SC5D: variants seen among roughly 807,000 people sequenced by gnomAD.
SC5D encodes the protein sterol-C5-desaturase.
Under a neutral mutation model 23.9 loss-of-function variants are expected in SC5D, and 21 were observed. The ratio of observed to expected loss-of-function variants is 0.88; its 90% CI spans 0.62 to 1.26. The LOEUF is 1.26. Among genes scored for constraint, SC5D ranks in the 50% most tolerant of loss-of-function variants. The probability of loss-of-function intolerance (pLI) is 0.00; values close to 1 mark genes in which losing one functional copy is unlikely to be tolerated. For missense variants in SC5D, 309 were observed against 364.8 expected, an observed-to-expected ratio of 0.85 and a Z score of 1.25; for synonymous variants, 113 against 125.9, an observed-to-expected ratio of 0.90 and a Z score of 0.68.
intron 1 of SC5D, among the ~76,000 whole-genome samples, chr11:121,298,719 G>T (rs1285130343): frequency 6.6e-6 from 1 of 152,138 alleles, no homozygotes; most frequent in African/African-American, 2.4e-5. Flanking sequence ...TAATTGTCAC[G>T]CACGTCCATG....
chr11:121,298,914 C>T (rs1245552499), intron 1 of SC5D, among the ~76,000 whole-genome samples: 1 of 152,136 alleles, frequency 6.6e-6, no homozygotes, highest in Non-Finnish European at 1.5e-5. Context: ...TCACAAGGTG[C>T]TCAGTAGGGG....
At position 121,295,513 on chromosome 11, in the gene SC5D, A is replaced by G. The variant is rs189820334; in HGVS notation, c.-11+2697A>G. 3.9e-3 allele frequency among the ~76,000 whole-genome samples: 595 copies of G among 152,336 alleles called. 13 individuals are homozygous for G. Among genetic ancestry groups the G allele is most frequent in the Admixed American group, 0.034 (516 of 15,298 alleles). On this transcript the variant is annotated intron_variant, in intron 1 of 4. Coordinates refer to ENST00000264027, the MANE Select transcript of SC5D (RefSeq NM_006918.5). Reference sequence around the variant, plus strand: ...AATCCATTTGTGTCAGGTGAGCCTCAGAGGGATGACTTTGAGTCCTGTCTG... The same window carrying G: ...AATCCATTTGTGTCAGGTGAGCCTCGGAGGGATGACTTTGAGTCCTGTCTG...
At chr11:121,304,653 A>T (rs534232512) in intron 3 of SC5D, 160 bp downstream of exon 3, 1 of 642,086 alleles carries the variant, frequency 1.6e-6, no homozygotes. Flanking sequence ...GTCTTGCCAC[A>T]TGTGCATTTC....
At chr11:121,299,356 T>C (rs1476637776) in intron 1 of SC5D, among the ~76,000 whole-genome samples, 1 of 152,272 alleles carries the variant, frequency 6.6e-6, no homozygotes, top group Non-Finnish European at 1.5e-5. Flanking sequence ...ATTTATTGCG[T>C]GTATGTATAC....
chr11:121,309,831 G>T lies in SC5D; in HGVS notation c.*2319G>T, dbSNP rs1424692697. ...GTCAGAGAATATTTATGGAAGTGAG[G>T]ACCCAAATTACCTTCTACAGATGAC... On this transcript the variant is annotated 3_prime_UTR_variant, in exon 5 of 5. Coordinates refer to ENST00000264027, the MANE Select transcript of SC5D (RefSeq NM_006918.5). 6.6e-6 allele frequency among the ~76,000 whole-genome samples: 1 copy of T among 152,190 alleles called. No individual in the cohort carries two copies. The highest frequency in any genetic ancestry group is 1.9e-4 in the East Asian group (1 of 5,200).
rs1423156628 is a variant in SC5D at position 121,313,157 on chromosome 11, G to T, written c.*5645G>T. Among the ~76,000 whole-genome samples, 1 of 152,084 alleles carries T rather than the reference G, an allele frequency of 6.6e-6. No individual in the cohort carries two copies. Among genetic ancestry groups the T allele is most frequent in the African/African-American group, 2.4e-5 (1 of 41,410 alleles). On this transcript the variant is annotated 3_prime_UTR_variant, in exon 5 of 5. Coordinates refer to ENST00000264027, the MANE Select transcript of SC5D (RefSeq NM_006918.5). ...ACTGATCCACCTTCTGTTACTGGAA[G>T]GTTAGTTTTCTTCCCTGATTTAGAA...
intron 1 of SC5D, among the ~76,000 whole-genome samples, chr11:121,301,426 A>G (rs1947925273): frequency 6.6e-6 from 1 of 152,094 alleles, no homozygotes; most frequent in Non-Finnish European, 1.5e-5. Context: ...AGATAGGTCA[A>G]TTGAGATTAA....
At chr11:121,303,091 C>T (rs543054957) in intron 1 of SC5D, among the ~76,000 whole-genome samples, 1 of 152,268 alleles carries the variant, frequency 6.6e-6, no homozygotes, top group South Asian at 2.1e-4. Context: ...TCCATCTGGG[C>T]TTGTGCCACT....
At chr11:121,304,207 C>A in intron 2 of SC5D, 154 bp from the exon 3 acceptor site, 1 of 640,434 alleles carries the variant, frequency 1.6e-6, no homozygotes, top group Admixed American at 2.7e-5. Flanking sequence ...TCTTACATAC[C>A]TATTTTTATG....
Position 121,307,741 on chromosome 11 carries a change from G to A in SC5D, c.*229G>A, listed in dbSNP as rs928598332. On this transcript the variant is annotated 3_prime_UTR_variant, in exon 5 of 5. Transcript: ENST00000264027. ...ATGCTTAAAATGCCAGATGTTGTTC[G>A]GGGGACAACTTGTATCTTTCTAGCA... 4.6e-5 allele frequency: 21 copies of A among 453,002 alleles called. No homozygotes were observed. The highest frequency in any genetic ancestry group is 1.2e-3 in the Middle Eastern group (2 of 1,688). 28.1% of individuals were successfully genotyped at this position (453,002 alleles called of 1,614,324 possible). A position where few individuals can be genotyped will look rare whatever the true frequency, so the allele number is the denominator to read the frequency against.
intron 1 of SC5D, among the ~76,000 whole-genome samples, chr11:121,297,735 C>T (rs539952763): frequency 1.3e-5 from 2 of 152,254 alleles, no homozygotes; most frequent in East Asian, 1.9e-4. Flanking sequence ...AACCATGTTT[C>T]GGTTAAGTGG....
At chr11:121,300,132 C>T (rs985063510) in intron 1 of SC5D, among the ~76,000 whole-genome samples, 2 of 152,052 alleles carry the variant, frequency 1.3e-5, no homozygotes, top group Non-Finnish European at 2.9e-5. Context: ...TTATAAAAAG[C>T]AACAAAACAC....
rs374351203 is a variant in SC5D, at chr11:121,306,414, A to G, written c.372A>G (p.Ile124Met). The part of the protein sequence containing the change: ...YGLFELVVSI[I>M]SFLFFTDMFI... ...TGTTTGAACTTGTCGTTAGTATAAT[A>G]TCTTTCCTCTTTTTCACTGACATGT... The change falls in exon 4 of 5, where the codon ATA becomes ATG. Residue 124 changes from isoleucine (I) to methionine (M), a missense_variant. Ile to Met is a conservative substitution (Grantham distance 10). Coordinates refer to ENST00000264027, the MANE Select transcript of SC5D (RefSeq NM_006918.5). The G allele has an allele frequency of 8.2e-6, 13 of 1,581,520 alleles. No individual in the cohort carries two copies. Among genetic ancestry groups the G allele is most frequent in the Non-Finnish European group, 1.1e-5 (13 of 1,150,452 alleles).
rs748296373 is a variant in SC5D, at chr11:121,303,517, T to C, written c.142T>C (p.Phe48Leu). Residue 48 changes from phenylalanine (F) to leucine (L), a missense_variant, in exon 2 of 5, where the codon TTC becomes CTC. By Grantham distance (22) the Phe-to-Leu change is conservative. Coordinates refer to ENST00000264027, the MANE Select transcript of SC5D (RefSeq NM_006918.5). Reference sequence around the variant, plus strand: ...TGTTGGTGCTTACATCCTTTATTTCTTCTGTGCAACACTGAGCTATTATTT... The same window carrying C: ...TGTTGGTGCTTACATCCTTTATTTCCTCTGTGCAACACTGAGCTATTATTT... ...TNVGAYILYFFCATLSYYFVF... is the reference protein window; with the variant it reads ...TNVGAYILYFLCATLSYYFVF... 5.0e-6 allele frequency: 8 copies of C among 1,614,036 alleles called. No homozygotes were observed. The East Asian group carries it at 1.8e-4, about 36-fold the overall frequency.
chr11:121,301,419 T>C (rs1035837202), intron 1 of SC5D, among the ~76,000 whole-genome samples: 2 of 151,660 alleles, frequency 1.3e-5, no homozygotes, highest in Non-Finnish European at 2.9e-5. Flanking sequence ...AACTGGAAGA[T>C]AGGTCAATTG....
In SC5D at chr11:121,312,131, G is replaced by C. The variant is rs2134274962; in HGVS notation, c.*4619G>C. On this transcript the variant is annotated 3_prime_UTR_variant, in exon 5 of 5. Transcript: ENST00000264027. ...CTAAAACCATAAGGCCAGTCTACAAGGTTTGTAGATAAAATAGAAACATAC... is the reference window on the plus strand; with the variant it reads ...CTAAAACCATAAGGCCAGTCTACAACGTTTGTAGATAAAATAGAAACATAC... Among the ~76,000 whole-genome samples, 1 of 152,174 alleles carries C rather than the reference G, an allele frequency of 6.6e-6. No homozygotes were observed. The highest frequency in any genetic ancestry group is 6.5e-5 in the Admixed American group (1 of 15,296).
intron 2 of SC5D, chr11:121,303,868 C>T (rs2134267934): frequency 3.2e-6 from 1 of 312,470 alleles, no homozygotes; most frequent in South Asian, 4.5e-5. Context: ...TAAATGCATA[C>T]ATTTATGTAA....
In SC5D at chr11:121,306,729, TAG is replaced by T. The variant is rs1947968422; in HGVS notation, c.444+247_444+248del. 4 of 636,654 alleles carry T rather than the reference TAG, an allele frequency of 6.3e-6. No homozygotes were observed. The East Asian group carries it at 1.1e-4, about 18-fold the overall frequency. The allele number at this position is 636,654 out of a possible 1,614,324, so 39.4% of individuals were successfully genotyped here. ...GACTTACAGAGGGAACAATAGACAT[TAG>T]AGACTCCAGAAGGTGGGAGGATGGG... On this transcript the variant is annotated intron_variant, in intron 4 of 4. Transcript: ENST00000264027.
chr11:121,312,765 T>TA lies in SC5D; in HGVS notation c.*5258dup, dbSNP rs886047878. On this transcript the variant is annotated 3_prime_UTR_variant, in exon 5 of 5. Transcript: ENST00000264027. The stretch of plus-strand genomic sequence containing the variant: ...CTAAAAATAAAAAAGTATATATATA[T>TA]AAAAATATCTTCCTCTATTATAATT... 6.6e-6 allele frequency among the ~76,000 whole-genome samples: 1 copy of TA among 152,054 alleles called. No individual in the cohort carries two copies. Among genetic ancestry groups the TA allele is most frequent in the South Asian group, 2.1e-4 (1 of 4,818 alleles).
Sources: gnomAD v4.1 joint callset for allele counts (sites outside exome capture counted in the v4.1 genomes callset) on GRCh38, gnomAD v4.1.1 for gene constraint, MANE v1.5 for transcripts, NCBI Gene and HGNC (gene_info 2026-07-23, HGNC 2026-07-21) for gene names.